The following C2orf76 variants were observed in gnomAD, a reference collection of about 807,000 sequenced individuals.
C2orf76 encodes UPF0538 protein C2orf76.
C2orf76 carries 23 observed loss-of-function variants against 16.9 expected under a neutral mutation model. That is an observed-to-expected ratio of 1.36 (90% CI 0.98 to 1.93). The LOEUF (loss-of-function observed/expected upper bound fraction) is 1.93. Ranked by LOEUF, C2orf76 falls within the 30% of genes most tolerant of loss-of-function variation. C2orf76 has a pLI of 0.00. For missense variants in C2orf76, 152 were observed against 152.6 expected (o/e 1.00, Z 0.02); for synonymous variants, 48 against 52.3 (o/e 0.92, Z 0.35).
chr2:119,285,364 T>A, the C2orf76 span, among the ~76,000 whole-genome samples: 1 of 152,162 alleles, frequency 6.6e-6, no homozygotes, highest in African/African-American at 2.4e-5. Flanking sequence ...TTCATCAGGG[T>A]CACGTAACTT....
chr2:119,334,715 T>TAC (rs1440272775), intron 2 of C2orf76, among the ~76,000 whole-genome samples: 1 of 149,872 alleles, frequency 6.7e-6, no homozygotes, highest in African/African-American at 2.5e-5. Context: ...TATATATATA[T>TAC]ATATATTTAA....
intron 2 of C2orf76, among the ~76,000 whole-genome samples, chr2:119,321,463 A>T (rs936820846): frequency 5.3e-5 from 8 of 152,198 alleles, no homozygotes; most frequent in Non-Finnish European, 8.8e-5. Context: ...CAATCATGGC[A>T]GGTGAAAGAG....
chr2:119,360,973 A>G (rs967029568), intron 1 of C2orf76, among the ~76,000 whole-genome samples: 8 of 152,232 alleles, frequency 5.3e-5, no homozygotes, highest in Admixed American at 1.3e-4. Context: ...GCCAGGGGCT[A>G]AGGAGGAGCT....
chr2:119,348,133 G>A (rs942166711), intron 1 of C2orf76, among the ~76,000 whole-genome samples: 1 of 148,704 alleles, frequency 6.7e-6, no homozygotes, highest in Non-Finnish European at 1.5e-5. Context: ...TATTCCATTT[G>A]TAAATGCTTG....
At chr2:119,363,190 C>T (rs1236462811) in intron 1 of C2orf76, among the ~76,000 whole-genome samples, 1 of 152,020 alleles carries the variant, frequency 6.6e-6, no homozygotes, top group East Asian at 1.9e-4. Flanking sequence ...TTTGGGAGGC[C>T]GAGACGGGCG....
chr2:119,363,185 G>A (rs1442301153), intron 1 of C2orf76, among the ~76,000 whole-genome samples: 1 of 152,092 alleles, frequency 6.6e-6, no homozygotes, highest in Non-Finnish European at 1.5e-5. Flanking sequence ...AGCACTTTGG[G>A]AGGCCGAGAC....
At chr2:119,337,063 A>T (rs56703243) in intron 2 of C2orf76, among the ~76,000 whole-genome samples, 6,262 of 42,406 alleles carry the variant, frequency 0.15, 416 homozygotes, top group African/African-American at 0.32. Flanking sequence ...TTATTTATTT[A>T]TTTATTTTTT....
upstream of C2orf76, chr2:119,367,069 C>A (rs767950936): frequency 5.0e-6 from 8 of 1,613,858 alleles, no homozygotes; most frequent in Non-Finnish European, 8.5e-7. Context: ...AGGTACAGCG[C>A]GTGCACAGCC....
At position 119,339,811 on chromosome 2, in the gene C2orf76, C is replaced by G. The variant is rs768267858; in HGVS notation, c.133+16G>C. ...AAAAACTACTAGTAAAACAAAATGG[C>G]TTTCACATCTCATACCTTGCTTTAG... is the stretch of plus-strand genomic sequence containing the variant. On this transcript the variant is annotated intron_variant, in intron 2 of 5. Transcript: ENST00000334816. 2 of 1,579,886 alleles carry G rather than the reference C, an allele frequency of 1.3e-6. No individual in the cohort carries two copies. Among genetic ancestry groups the G allele is most frequent in the Non-Finnish European group, 1.7e-6 (2 of 1,153,110 alleles).
intron 4 of C2orf76, among the ~76,000 whole-genome samples, chr2:119,312,104 G>A (rs908310800): frequency 1.1e-4 from 16 of 152,166 alleles, no homozygotes; most frequent in Admixed American, 2.0e-4. Flanking sequence ...AGTGCCGGCC[G>A]CAGGGTGAGC....
intron 4 of C2orf76, among the ~76,000 whole-genome samples, chr2:119,315,291 T>A (rs188318138): frequency 6.6e-6 from 1 of 152,210 alleles, no homozygotes. Flanking sequence ...ATGTAGTAAC[T>A]GCAATTAGGA....
At chr2:119,330,234 G>A (rs1044533576) in intron 2 of C2orf76, among the ~76,000 whole-genome samples, 5 of 151,986 alleles carry the variant, frequency 3.3e-5, no homozygotes, top group African/African-American at 9.7e-5. Flanking sequence ...AAAATTAGCT[G>A]GGCGTGGTGG....
intron 1 of C2orf76, chr2:119,366,441 G>C (rs1450084225): frequency 4.2e-6 from 2 of 471,754 alleles, no homozygotes. Flanking sequence ...CGTGCCAAAA[G>C]TTCAGAGGAA....
upstream of C2orf76, chr2:119,366,885 G>T (rs536330011): frequency 5.3e-5 from 46 of 862,530 alleles, 1 homozygote; most frequent in South Asian, 7.3e-4. Context: ...GGCTGGGCAC[G>T]CCCCTAGCGC....
At chr2:119,316,137 C>G (rs1181207507) in intron 4 of C2orf76, among the ~76,000 whole-genome samples, 1 of 152,100 alleles carries the variant, frequency 6.6e-6, no homozygotes, top group African/African-American at 2.4e-5. Flanking sequence ...ATATAATACA[C>G]AAAAATATAG....
intron 5 of C2orf76, among the ~76,000 whole-genome samples, chr2:119,305,821 G>A (rs116696962): frequency 6.6e-6 from 1 of 151,562 alleles, no homozygotes. Flanking sequence ...ACCAACAGAC[G>A]TCCCAAGTGC....
chr2:119,311,598 G>A (rs1169685285), intron 5 of C2orf76, 24 bp downstream of exon 5: 21 of 1,606,990 alleles, frequency 1.3e-5, no homozygotes, highest in Non-Finnish European at 1.8e-5. Context: ...TCCCCCTCCA[G>A]CAACACAAGG....
At chr2:119,314,019 T>TTTTG (rs1044330001) in intron 4 of C2orf76, among the ~76,000 whole-genome samples, 11 of 148,164 alleles carry the variant, frequency 7.4e-5, no homozygotes, top group East Asian at 3.9e-4. Context: ...CAGTGGTTTT[T>TTTTG]TTTTTTTTTT....
intron 2 of C2orf76, among the ~76,000 whole-genome samples, chr2:119,328,923 C>A (rs1437020620): frequency 6.6e-6 from 1 of 152,120 alleles, no homozygotes; most frequent in African/African-American, 2.4e-5. Flanking sequence ...GATTTCTAAT[C>A]TAATTCCATT....
Sources: allele counts gnomAD v4.1 joint callset (sites outside exome capture counted in the v4.1 genomes callset), GRCh38; gene constraint gnomAD v4.1.1; transcripts MANE v1.5; gene names NCBI Gene and HGNC (gene_info 2026-07-23, HGNC 2026-07-21).